The following PDPK1 variants were observed in gnomAD, a reference collection of about 807,000 sequenced individuals.
PDPK1 encodes 3-phosphoinositide dependent protein kinase 1.
Under a neutral mutation model 39.8 loss-of-function variants are expected in PDPK1, and 7 were observed. That is an observed-to-expected ratio of 0.18 (90% CI 0.10 to 0.33). PDPK1 has a LOEUF of 0.33. PDPK1 is among the 10% of genes least tolerant of loss of function. The pLI is 1.00. For synonymous variants in PDPK1, 118 were observed against 159.1 expected, an observed-to-expected ratio of 0.74 and a Z score of 1.95; for missense variants, 182 against 384.7, an observed-to-expected ratio of 0.47 and a Z score of 4.41.
At chr16:2,551,767 A>G (rs2066416388) in intron 1 of PDPK1, among the ~76,000 whole-genome samples, 1 of 150,640 alleles carries the variant, frequency 6.6e-6, no homozygotes, top group Middle Eastern at 3.2e-3. Context: ...CCTGGGTTCA[A>G]GCGATTCTCC....
At chr16:2,556,386 C>T (rs1271581888) in intron 1 of PDPK1, among the ~76,000 whole-genome samples, 1 of 114,542 alleles carries the variant, frequency 8.7e-6, no homozygotes, top group African/African-American at 3.6e-5. Context: ...TTTTTTGAGA[C>T]GAAATTTCAC....
intron 1 of PDPK1, among the ~76,000 whole-genome samples, chr16:2,553,170 TAAAA>T (rs1162812696): frequency 1.5e-5 from 2 of 130,822 alleles, no homozygotes; most frequent in Non-Finnish European, 3.2e-5. Context: ...CTTTTTTTTT[TAAAA>T]AAAAAAAAGA....
chr16:2,552,124 A>G (rs2066426213), intron 1 of PDPK1, among the ~76,000 whole-genome samples: 1 of 150,988 alleles, frequency 6.6e-6, no homozygotes, highest in South Asian at 2.1e-4. Flanking sequence ...ACACGCCACT[A>G]TGCCTGGCTA....
intron 11 of PDPK1, among the ~76,000 whole-genome samples, chr16:2,588,823 A>G (rs553772119): frequency 7.9e-5 from 12 of 151,950 alleles, no homozygotes; most frequent in East Asian, 1.9e-4. Context: ...TTTTTTTTGT[A>G]ATACTAAGAT....
At chr16:2,544,856 T>A (rs1453417521) in intron 1 of PDPK1, among the ~76,000 whole-genome samples, 2 of 151,832 alleles carry the variant, frequency 1.3e-5, no homozygotes, top group Admixed American at 1.3e-4. Context: ...AGTGCTGGGA[T>A]TTACAGGCAT....
Position 2,598,035 on chromosome 16 carries a change from TG to T in PDPK1, c.*272del. 2.0e-6 allele frequency: 1 copy of T among 507,130 alleles called. No individual in the cohort carries two copies. The highest frequency in any genetic ancestry group is 3.6e-6 in the Non-Finnish European group (1 of 281,528). The allele number at this position is 507,130 out of a possible 1,614,324, so 31.4% of individuals were successfully genotyped here. ...AGGCCTCCGTGTGCCCTCGTTGCCG[TG>T]GGGACCCAGCTCCATGCACGTCAAC... is the stretch of plus-strand genomic sequence containing the variant. On this transcript the variant is annotated 3_prime_UTR_variant, in exon 14 of 14. Transcript: ENST00000342085.
intron 11 of PDPK1, among the ~76,000 whole-genome samples, chr16:2,591,939 G>C (rs904178165): frequency 6.6e-6 from 1 of 152,240 alleles, no homozygotes; most frequent in African/African-American, 2.4e-5. Context: ...CAGAGGTAAA[G>C]AGTGTGAGGG....
intron 1 of PDPK1, among the ~76,000 whole-genome samples, chr16:2,552,172 A>G (rs1458767918): frequency 6.8e-6 from 1 of 147,784 alleles, no homozygotes; most frequent in African/African-American, 2.5e-5. Context: ...GGGTTTCACT[A>G]TATTGCACAG....
chr16:2,544,163 A>G (rs1209889368), intron 1 of PDPK1, among the ~76,000 whole-genome samples: 1 of 151,982 alleles, frequency 6.6e-6, no homozygotes, highest in African/African-American at 2.4e-5. Context: ...TGTGGAGTCA[A>G]CCTATGGTTG....
chr16:2,597,976 C>G lies in PDPK1; in HGVS notation c.*209C>G. 1.7e-6 allele frequency: 1 copy of G among 575,332 alleles called. No homozygotes were observed. Among genetic ancestry groups the G allele is most frequent in the Non-Finnish European group, 3.1e-6 (1 of 323,324 alleles). 35.6% of individuals were successfully genotyped at this position (575,332 alleles called of 1,614,324 possible). A position where few individuals can be genotyped will look rare whatever the true frequency, so the allele number is the denominator to read the frequency against. ...AACCAGTAACAAACACAAAGGAATT[C>G]AGGGTCGCTTTGCTTGCTCTCTGTG... On this transcript the variant is annotated 3_prime_UTR_variant, in exon 14 of 14. Coordinates refer to ENST00000342085, the MANE Select transcript of PDPK1 (RefSeq NM_002613.5). The surrounding 1 kb of genome is among the most constrained non-coding windows in gnomAD (Gnocchi z 6.3).
intron 1 of PDPK1, among the ~76,000 whole-genome samples, chr16:2,540,355 G>C (rs1447334200): frequency 6.6e-6 from 1 of 152,230 alleles, no homozygotes; most frequent in Non-Finnish European, 1.5e-5. Flanking sequence ...CTCAAGACAG[G>C]CGCTTCCCTA....
chr16:2,601,412 C>T lies in PDPK1; in HGVS notation c.*3645C>T, dbSNP rs2067212417. 4.3e-6 allele frequency: 1 copy of T among 234,584 alleles called. No individual in the cohort carries two copies. Among genetic ancestry groups the T allele is most frequent in the Non-Finnish European group, 8.5e-6 (1 of 117,966 alleles). The allele number at this position is 234,584 out of a possible 1,614,324, so 14.5% of individuals were successfully genotyped here. ...TTGTTTTGGTTGCAAGAACCTGGCT[C>T]TGCCTGCATGTCAGCTCTCTGCCCT... On this transcript the variant is annotated 3_prime_UTR_variant, in exon 14 of 14. Transcript: ENST00000342085.
Position 2,586,898 on chromosome 16 carries a change from G to T in PDPK1, c.1343+5G>T. 2 of 1,612,666 alleles carry T rather than the reference G, an allele frequency of 1.2e-6. No individual in the cohort carries two copies. The highest frequency in any genetic ancestry group is 2.2e-5 in the South Asian group (2 of 90,982). ...GCAGGCTGGCGGAAACCCTTGGTAA[G>T]AACTTATGGACATAAGCAATGCTTT... On this transcript the variant is annotated splice_donor_5th_base_variant and intron_variant, in intron 11 of 13. Coordinates refer to ENST00000342085, the MANE Select transcript of PDPK1 (RefSeq NM_002613.5).
At chr16:2,542,445 C>T (rs1466323823) in intron 1 of PDPK1, among the ~76,000 whole-genome samples, 3 of 152,198 alleles carry the variant, frequency 2.0e-5, no homozygotes, top group East Asian at 1.9e-4. Flanking sequence ...AGGCATGAGC[C>T]GCCGCACCCA....
At position 2,599,816 on chromosome 16, in the gene PDPK1, G is replaced by A. The variant is rs2067179525; in HGVS notation, c.*2049G>A. 2 of 233,962 alleles carry A rather than the reference G, an allele frequency of 8.5e-6. No homozygotes were observed. Among genetic ancestry groups the A allele is most frequent in the East Asian group, 1.2e-4 (2 of 16,596 alleles). The allele number at this position is 233,962 out of a possible 1,614,324, so 14.5% of individuals were successfully genotyped here. On this transcript the variant is annotated 3_prime_UTR_variant, in exon 14 of 14. Coordinates refer to ENST00000342085, the MANE Select transcript of PDPK1 (RefSeq NM_002613.5). ...GTCTGGTTATAGGGAAACAAGTGGAGCAGGGACGTGGCTTTAATTGGAGCA... is the reference window on the plus strand; with the variant it reads ...GTCTGGTTATAGGGAAACAAGTGGAACAGGGACGTGGCTTTAATTGGAGCA...
intron 6 of PDPK1, among the ~76,000 whole-genome samples, chr16:2,573,669 T>TTGCAGTAAGC: frequency 1.0e-5 from 1 of 95,436 alleles, no homozygotes; most frequent in Middle Eastern, 4.6e-3. Context: ...GCGGAGGAGG[T>TTGCAGTAAGC]TGCAGTAAGC....
In PDPK1 at chr16:2,601,428, T is replaced by C. The variant is rs2067212716; in HGVS notation, c.*3661T>C. The C allele has an allele frequency of 4.3e-6, 1 of 234,584 alleles. No homozygotes were observed. Among genetic ancestry groups the C allele is most frequent in the Non-Finnish European group, 8.5e-6 (1 of 117,960 alleles). The allele number at this position is 234,584 out of a possible 1,614,324, so 14.5% of individuals were successfully genotyped here. A position where few individuals can be genotyped will look rare whatever the true frequency, so the allele number is the denominator to read the frequency against. On this transcript the variant is annotated 3_prime_UTR_variant, in exon 14 of 14. Coordinates refer to ENST00000342085, the MANE Select transcript of PDPK1 (RefSeq NM_002613.5). ...AACCTGGCTCTGCCTGCATGTCAGC[T>C]CTCTGCCCTCCCTGCTGCCGTGGCT...
rs932076458 is a variant in PDPK1 at position 2,597,394 on chromosome 16, C to G, written c.1554+119C>G. The G allele has an allele frequency of 7.6e-6, 7 of 923,304 alleles. No homozygotes were observed. The African/African-American group carries it at 1.2e-4, about 15-fold the overall frequency. The allele number at this position is 923,304 out of a possible 1,614,324, so 57.2% of individuals were successfully genotyped here. The stretch of plus-strand genomic sequence containing the variant: ...CGGGGATCGGGGCAGCTGCCTCGCC[C>G]TTTCCGACATCCCAGACGCCCACAC... On this transcript the variant is annotated intron_variant, in intron 13 of 13. Transcript: ENST00000342085. The surrounding 1 kb of genome is among the most constrained non-coding windows in gnomAD (Gnocchi z 6.3).
rs962342510 is a variant in PDPK1, at chr16:2,601,448, G to A, written c.*3681G>A. 2.6e-5 allele frequency: 6 copies of A among 234,440 alleles called. 1 individual carries two copies. The highest frequency in any genetic ancestry group is 1.1e-4 in the Admixed American group (2 of 17,780). 14.5% of individuals were successfully genotyped at this position (234,440 alleles called of 1,614,324 possible). A position where few individuals can be genotyped will look rare whatever the true frequency, so the allele number is the denominator to read the frequency against. ...TCAGCTCTCTGCCCTCCCTGCTGCC[G>A]TGGCTTTCAAGCGCTTGGCAGAATC... On this transcript the variant is annotated 3_prime_UTR_variant, in exon 14 of 14. Transcript: ENST00000342085.
Sources: gnomAD v4.1 joint callset for allele counts (sites outside exome capture counted in the v4.1 genomes callset) on GRCh38, gnomAD v4.1.1 for gene constraint, Gnocchi (gnomAD v3.1) non-coding constraint, MANE v1.5 for transcripts, NCBI Gene and HGNC (gene_info 2026-07-23, HGNC 2026-07-21) for gene names.